Variants in TBC1D1 observed in about 807,000 individuals in gnomAD.
The protein encoded by TBC1D1 is TBC1 (tre-2/USP6, BUB2, cdc16) domain family, member 1.
In TBC1D1, 89 loss-of-function variants were observed where a neutral mutation model predicts 125.6. The ratio of observed to expected loss-of-function variants is 0.71; its 90% CI spans 0.60 to 0.85. TBC1D1 has a LOEUF of 0.85. Among genes scored for constraint, TBC1D1 ranks in the 40% least tolerant of loss-of-function variants. TBC1D1 has a pLI of 0.00. For missense variants in TBC1D1, 1,377 were observed against 1,469.2 expected (o/e 0.94, Z 1.03); for synonymous variants, 565 against 564.1 (o/e 1.00, Z -0.02).
intron 2 of TBC1D1, among the ~76,000 whole-genome samples, chr4:38,000,831 A>G (rs1738902483): frequency 6.6e-6 from 1 of 152,212 alleles, no homozygotes; most frequent in Non-Finnish European, 1.5e-5. Context: ...CTATAAATCA[A>G]GTTCCCACCA....
At chr4:38,135,528 C>G (rs968047676) in intron 19 of TBC1D1, among the ~76,000 whole-genome samples, 1 of 152,210 alleles carries the variant, frequency 6.6e-6, no homozygotes, top group Non-Finnish European at 1.5e-5. Context: ...TAGCAAATGA[C>G]CATGCAAATT....
rs1421205596 is a variant in TBC1D1, at chr4:37,902,102, C to A, written c.7C>A (p.Pro3Thr). 4 of 1,597,628 alleles carry A rather than the reference C, an allele frequency of 2.5e-6. No homozygotes were observed. The highest frequency in any genetic ancestry group is 1.8e-5 in the Admixed American group (1 of 56,410). ...TTCCCAGACCCTTCCCAAGATGGAA[C>A]CAATAACATTCACAGCAAGGAAACA... is the stretch of plus-strand genomic sequence containing the variant. Residue 3 changes from proline to threonine, a missense_variant, in exon 2 of 20, where the codon CCA (proline) becomes ACA (threonine). By Grantham distance (38) the Pro-to-Thr change is conservative. Around this residue, in one of 3 missense-constraint regions of TBC1D1, gnomAD observed 822 missense variants for 824.6 expected, o/e 1.00. Coordinates refer to ENST00000261439, the MANE Select transcript of TBC1D1 (RefSeq NM_015173.4).
intron 2 of TBC1D1, among the ~76,000 whole-genome samples, chr4:38,004,489 A>G (rs1039786376): frequency 6.6e-6 from 1 of 152,230 alleles, no homozygotes; most frequent in Non-Finnish European, 1.5e-5. Context: ...TGGATCCTGA[A>G]TATGCCTTTT....
At chr4:38,052,194 T>TGTGTGTGC (rs755025486) in intron 11 of TBC1D1, 134 bp downstream of exon 12, 12,462 of 578,434 alleles carry the variant, frequency 0.022, 75 homozygotes, top group Middle Eastern at 0.045. Flanking sequence ...TGTGTGTGTG[T>TGTGTGTGC]GCGCGCGCGT....
At chr4:37,970,641 T>A (rs1028805386) in intron 2 of TBC1D1, among the ~76,000 whole-genome samples, 2 of 152,230 alleles carry the variant, frequency 1.3e-5, no homozygotes, top group Non-Finnish European at 2.9e-5. Flanking sequence ...GTCACTCTTT[T>A]CCCTGCCTGA....
intron 2 of TBC1D1, among the ~76,000 whole-genome samples, chr4:38,005,166 C>A (rs537904736): frequency 3.7e-4 from 57 of 152,084 alleles, no homozygotes; most frequent in African/African-American, 1.4e-3. Context: ...CCCCAGGATG[C>A]GGAAAAAGGG....
intron 2 of TBC1D1, among the ~76,000 whole-genome samples, chr4:37,985,776 C>T (rs1560572731): frequency 6.6e-6 from 1 of 152,108 alleles, no homozygotes; most frequent in African/African-American, 2.4e-5. Context: ...GAATAGCTTG[C>T]AGTCTAATGG....
intron 15 of TBC1D1, among the ~76,000 whole-genome samples, chr4:38,114,337 G>A (rs779578556): frequency 3.9e-5 from 6 of 152,220 alleles, no homozygotes; most frequent in Non-Finnish European, 7.3e-5. Flanking sequence ...GAGAAATCAG[G>A]ACAGTGGTTA....
chr4:37,947,984 A>G (rs1727059087), intron 2 of TBC1D1, among the ~76,000 whole-genome samples: 2 of 152,196 alleles, frequency 1.3e-5, no homozygotes, highest in African/African-American at 2.4e-5. Context: ...CGATAATAAT[A>G]ATAGGTAGGT....
intron 2 of TBC1D1, among the ~76,000 whole-genome samples, chr4:37,976,838 G>A (rs2152354295): frequency 6.6e-6 from 1 of 152,250 alleles, no homozygotes; most frequent in African/African-American, 2.4e-5. Context: ...TTTTTCCTCT[G>A]CCCCACTTTT....
chr4:37,902,283 A>T lies in TBC1D1; in HGVS notation c.188A>T (p.Gln63Leu). The T allele has an allele frequency of 6.2e-7, 1 of 1,614,150 alleles. No homozygotes were observed. Among genetic ancestry groups the T allele is most frequent in the Non-Finnish European group, 8.5e-7 (1 of 1,180,026 alleles). ...ACCAGAAAGGAACCTGTAACCAAGC[A>T]AGTCCGGCTTTGCGTTTCACCCTCT... The change falls in exon 2 of 20, where the codon CAA (glutamine) becomes CTA (leucine). Residue 63 changes from glutamine (Q) to leucine (L), a missense_variant. Gln to Leu is a moderately radical substitution (Grantham distance 113). This residue lies in a region of TBC1D1 where 822 missense variants were observed against 824.6 expected (regional missense o/e 1.00). Transcript: ENST00000261439.
intron 15 of TBC1D1, among the ~76,000 whole-genome samples, chr4:38,103,858 T>G (rs1195116900): frequency 6.6e-6 from 1 of 152,116 alleles, no homozygotes; most frequent in East Asian, 1.9e-4. Flanking sequence ...AGAGATGATT[T>G]AAGGTGTGTG....
At chr4:38,055,470 A>C (rs188740979) in intron 12 of TBC1D1, among the ~76,000 whole-genome samples, 2 of 152,162 alleles carry the variant, frequency 1.3e-5, no homozygotes. Context: ...TTCAAAATTC[A>C]TAGTACTGGA....
At position 37,995,909 on chromosome 4, in the gene TBC1D1, C is replaced by T. The variant is rs1737703522; in HGVS notation, c.418-18600C>T. 3.4e-6 allele frequency: 2 copies of T among 581,268 alleles called. No homozygotes were observed. Among genetic ancestry groups the T allele is most frequent in the South Asian group, 1.4e-5 (1 of 72,862 alleles). The allele number at this position is 581,268 out of a possible 1,614,324, so 36.0% of individuals were successfully genotyped here. On this transcript the variant is annotated intron_variant, in intron 2 of 19. Coordinates refer to ENST00000261439, the MANE Select transcript of TBC1D1 (RefSeq NM_015173.4). This position sits in a 1 kb window ranked among gnomAD's most constrained non-coding sequence, Gnocchi z 4.3. ...CTGGCTTAACCATGGCAAGCAGCGA[C>T]AGGACCTTCTCATTCCCAGGGAGAA...
In TBC1D1 at chr4:38,137,553, C is replaced by T. The variant is rs543986224; in HGVS notation, c.*218C>T. 1.3e-5 allele frequency: 7 copies of T among 535,974 alleles called. No individual in the cohort carries two copies. The highest frequency in any genetic ancestry group is 4.0e-5 in the Admixed American group (1 of 24,940). 33.2% of individuals were successfully genotyped at this position (535,974 alleles called of 1,614,324 possible). On this transcript the variant is annotated 3_prime_UTR_variant, in exon 20 of 20. Coordinates refer to ENST00000261439, the MANE Select transcript of TBC1D1 (RefSeq NM_015173.4). ...TTTTAGATACTAAATCGTCCCTTCTCCAGTCCTGATTACTGTACACAGTAG... is the reference window on the plus strand; with the variant it reads ...TTTTAGATACTAAATCGTCCCTTCTTCAGTCCTGATTACTGTACACAGTAG...
In TBC1D1 at chr4:38,115,102, T is replaced by TTC. The variant is rs1162051314; in HGVS notation, c.2558-607_2558-606insCT. ...GGATTAACAGTTTTCTTTTTTCTTT[T>TTC]TTTTTTTTTTTTTTGGAGTTGGAGT... On this transcript the variant is annotated intron_variant, in intron 15 of 19. Transcript: ENST00000261439. Among the ~76,000 whole-genome samples, 432 of 70,412 alleles carry TTC rather than the reference T, an allele frequency of 6.1e-3. 3 individuals carry two copies. The highest frequency in any genetic ancestry group is 0.02 in the African/African-American group (401 of 19,812). The allele number at this position is 70,412 out of a possible 152,430, so 46.2% of individuals were successfully genotyped here.
chr4:38,032,595 G>C (rs1438670660), intron 7 of TBC1D1, among the ~76,000 whole-genome samples: 1 of 152,146 alleles, frequency 6.6e-6, no homozygotes, highest in Non-Finnish European at 1.5e-5. Context: ...AGCACTTTGG[G>C]AGGCAGAGGT....
At chr4:38,009,256 C>T (rs1740977559) in intron 2 of TBC1D1, among the ~76,000 whole-genome samples, 10 of 152,136 alleles carry the variant, frequency 6.6e-5, no homozygotes, top group Admixed American at 5.9e-4. Context: ...CATTTGAACT[C>T]CTTACAATGA....
At chr4:38,065,578 T>A (rs1753575253) in intron 12 of TBC1D1, among the ~76,000 whole-genome samples, 1 of 152,054 alleles carries the variant, frequency 6.6e-6, no homozygotes, top group South Asian at 2.1e-4. Context: ...ATTATCTTTA[T>A]CATGTATTAA....
Sources: allele counts gnomAD v4.1 joint callset (sites outside exome capture counted in the v4.1 genomes callset), GRCh38; gene constraint gnomAD v4.1.1; regional missense constraint gnomAD v4.1.1; non-coding constraint Gnocchi (gnomAD v3.1); transcripts MANE v1.5; gene names NCBI Gene and HGNC (gene_info 2026-07-23, HGNC 2026-07-21).